SCAPER: variants seen among roughly 807,000 people sequenced by gnomAD.
SCAPER encodes S phase cyclin A-associated protein in the endoplasmic reticulum.
In SCAPER, 98 loss-of-function variants were observed where a neutral mutation model predicts 182.2. The observed-to-expected ratio is 0.54, with a 90% CI of 0.46 to 0.64. The LOEUF (loss-of-function observed/expected upper bound fraction) is 0.64. SCAPER is among the 30% of genes least tolerant of loss of function. The pLI is 0.00. For synonymous variants in SCAPER, 605 were observed against 564.6 expected, an observed-to-expected ratio of 1.07 and a Z score of -1.01; for missense variants, 1,432 against 1,690.0, an observed-to-expected ratio of 0.85 and a Z score of 2.68.
intron 27 of SCAPER, among the ~76,000 whole-genome samples, chr15:76,394,708 T>C (rs2043931655): frequency 6.6e-6 from 1 of 152,194 alleles, no homozygotes; most frequent in African/African-American, 2.4e-5. Context: ...GTTTTTAAAA[T>C]TTTTGTGGGT....
At chr15:76,781,176 G>A (rs1018501498) in intron 8 of SCAPER, among the ~76,000 whole-genome samples, 2 of 152,314 alleles carry the variant, frequency 1.3e-5, no homozygotes, top group South Asian at 2.1e-4. Flanking sequence ...AGAATGAACA[G>A]TGGAGAGAAG....
At chr15:76,582,250 T>C (rs976791779) in intron 22 of SCAPER, among the ~76,000 whole-genome samples, 5 of 152,178 alleles carry the variant, frequency 3.3e-5, no homozygotes, top group Non-Finnish European at 7.4e-5. Context: ...ATAAACAAAT[T>C]TAGTAAAACT....
chr15:76,743,730 T>A lies in SCAPER; in HGVS notation c.1866+10078A>T, dbSNP rs372302010. Among the ~76,000 whole-genome samples, 24 of 152,298 alleles carry A rather than the reference T, an allele frequency of 1.6e-4. No individual in the cohort carries two copies. In the East Asian group the frequency reaches 2.5e-3, roughly 16 times the overall value. On this transcript the variant is annotated intron_variant, in intron 15 of 31. Coordinates refer to ENST00000563290, the MANE Select transcript of SCAPER (RefSeq NM_020843.4). Reference sequence around the variant, plus strand: ...AAAATCGCCATAAGCAATTTACAGATTTGATGCTATCCTATCAAACCACCA... The same window carrying A: ...AAAATCGCCATAAGCAATTTACAGAATTGATGCTATCCTATCAAACCACCA...
chr15:76,808,769 G>C (rs2066380035), intron 5 of SCAPER, among the ~76,000 whole-genome samples: 1 of 152,176 alleles, frequency 6.6e-6, no homozygotes, highest in South Asian at 2.1e-4. Context: ...ATCTCCAAGA[G>C]CATATAGATT....
At chr15:76,694,369 T>A (rs1440196198) in intron 20 of SCAPER, among the ~76,000 whole-genome samples, 1 of 152,156 alleles carries the variant, frequency 6.6e-6, no homozygotes, top group East Asian at 1.9e-4. Flanking sequence ...GAGATAATTT[T>A]ATTAATTTCT....
intron 21 of SCAPER, among the ~76,000 whole-genome samples, chr15:76,625,655 G>A (rs1007468896): frequency 6.6e-6 from 1 of 152,144 alleles, no homozygotes; most frequent in East Asian, 1.9e-4. Flanking sequence ...CAGGGCTCAG[G>A]AGTATGTGAG....
rs745485465 is a variant in SCAPER at position 76,835,184 on chromosome 15, C to CCA, written c.393+6548_393+6549dup. On this transcript the variant is annotated intron_variant, in intron 5 of 31. Transcript: ENST00000563290. ...AAGAACACAATCCCATTCACAATAG[C>CCA]CACACACACACACACAAATAAAATG... Among the ~76,000 whole-genome samples the CCA allele has an allele frequency of 3.7e-4, 56 of 150,568 alleles. 1 individual carries two copies. Among genetic ancestry groups the CCA allele is most frequent in the East Asian group, 7.8e-4 (4 of 5,156 alleles).
intron 24 of SCAPER, among the ~76,000 whole-genome samples, chr15:76,480,158 G>A (rs542107886): frequency 1.0e-3 from 153 of 152,262 alleles, no homozygotes; most frequent in African/African-American, 3.6e-3. Flanking sequence ...TTTCCAATTC[G>A]TTAGGAAAGG....
Position 76,356,863 on chromosome 15 carries a change from T to C in SCAPER, c.3856-2723A>G, listed in dbSNP as rs80231440. ...AGAGAGAGCAAGTAGGGAGCATGCA[T>C]GGCCTCAATAGTAATCAGAAGCAGT... On this transcript the variant is annotated intron_variant, in intron 29 of 31. Coordinates refer to ENST00000563290, the MANE Select transcript of SCAPER (RefSeq NM_020843.4). Among the ~76,000 whole-genome samples, 601 of 152,262 alleles carry C rather than the reference T, an allele frequency of 3.9e-3. 8 individuals carry two copies. The highest frequency in any genetic ancestry group is 5.4e-3 in the East Asian group (28 of 5,170).
intron 23 of SCAPER, among the ~76,000 whole-genome samples, chr15:76,546,712 A>C (rs1392634962): frequency 6.6e-6 from 1 of 152,010 alleles, no homozygotes; most frequent in Non-Finnish European, 1.5e-5. Context: ...CATTTCCTTA[A>C]GTATTTTCAA....
intron 29 of SCAPER, among the ~76,000 whole-genome samples, chr15:76,364,581 T>C (rs1258440938): frequency 3.3e-5 from 5 of 152,156 alleles, no homozygotes; most frequent in Non-Finnish European, 7.4e-5. Flanking sequence ...CTGCTTCCTA[T>C]GGGAAAAGGC....
chr15:76,680,411 GATAATAATAATAATAATA>G (rs10569185), intron 20 of SCAPER, among the ~76,000 whole-genome samples: 48 of 142,584 alleles, frequency 3.4e-4, no homozygotes, highest in Admixed American at 9.1e-4. Flanking sequence ...TGATGATGAT[GATAATAATAATAATAATA>G]ATAATAATAA....
intron 1 of SCAPER, among the ~76,000 whole-genome samples, chr15:76,899,879 G>A (rs913350230): frequency 1.3e-5 from 2 of 152,214 alleles, no homozygotes; most frequent in Admixed American, 6.5e-5. Context: ...CCATGATGAC[G>A]ATGGCGGTTT....
At position 76,628,035 on chromosome 15, in the gene SCAPER, G is replaced by T. The variant is rs555696876; in HGVS notation, c.2646-6206C>A. Among the ~76,000 whole-genome samples the T allele has an allele frequency of 3.9e-5, 6 of 152,306 alleles. No homozygotes were observed. The East Asian group carries it at 1.2e-3, about 29-fold the overall frequency. ...TGGTTTTGATTTACATTTCTCTAAT[G>T]ATCAGTGATGTTGAGCTTTTCTTCA... On this transcript the variant is annotated intron_variant, in intron 21 of 31. Coordinates refer to ENST00000563290, the MANE Select transcript of SCAPER (RefSeq NM_020843.4).
chr15:76,693,975 G>C (rs991887372), intron 20 of SCAPER, among the ~76,000 whole-genome samples: 1 of 151,948 alleles, frequency 6.6e-6, no homozygotes, highest in Non-Finnish European at 1.5e-5. Flanking sequence ...ACTTAAAAAG[G>C]GTTAAGACGG....
chr15:76,805,982 C>T (rs1040024029), intron 5 of SCAPER, among the ~76,000 whole-genome samples: 3 of 152,090 alleles, frequency 2.0e-5, no homozygotes, highest in East Asian at 1.9e-4. Context: ...AGGTATTAGA[C>T]CTTCATCAAC....
rs202054995 is a variant in SCAPER at position 76,665,787 on chromosome 15, C to T, written c.2511G>A (p.Glu837=). ...QGRELSDEEV[E]HLSLKKYIID... ...TAATGTACTTCTTCAAGGAAAGATG[C>T]TCCTGCAAGATAAATAAATAAAATA... Residue 837 remains glutamate, a splice_region_variant and synonymous_variant, in exon 21 of 32, where the codon GAG becomes GAA. Transcript: ENST00000563290. The T allele has an allele frequency of 5.8e-4, 880 of 1,508,848 alleles. 1 individual carries two copies. Among genetic ancestry groups the T allele is most frequent in the Non-Finnish European group, 5.3e-4 (605 of 1,132,244 alleles). The allele number at this position is 1,508,848 out of a possible 1,614,324, so 93.5% of individuals were successfully genotyped here.
intron 26 of SCAPER, among the ~76,000 whole-genome samples, chr15:76,427,442 G>A (rs913959927): frequency 3.9e-5 from 6 of 152,040 alleles, no homozygotes; most frequent in Non-Finnish European, 7.4e-5. Context: ...CATACAAATG[G>A]CCAACAGGTA....
At chr15:76,654,452 C>G (rs2055447279) in intron 21 of SCAPER, among the ~76,000 whole-genome samples, 2 of 152,184 alleles carry the variant, frequency 1.3e-5, no homozygotes, top group East Asian at 1.9e-4. Context: ...ACTAACAATG[C>G]TATTACCACA....
Sources: allele counts gnomAD v4.1 joint callset (sites outside exome capture counted in the v4.1 genomes callset), GRCh38; gene constraint gnomAD v4.1.1; transcripts MANE v1.5; gene names NCBI Gene and HGNC (gene_info 2026-07-23, HGNC 2026-07-21).